PCDH15: variants seen among roughly 807,000 people sequenced by gnomAD.
The protein encoded by PCDH15 is protocadherin-15.
In PCDH15, 129 loss-of-function variants were observed where a neutral mutation model predicts 178.5. That is an observed-to-expected ratio of 0.72 (90% confidence interval 0.63 to 0.84). PCDH15 has a LOEUF of 0.84. Ranked by LOEUF, PCDH15 falls within the 40% of genes least tolerant of loss-of-function variation. PCDH15 has a pLI of 0.00. For synonymous variants in PCDH15, 800 were observed against 732.0 expected, an observed-to-expected ratio of 1.09 and a Z score of -1.50; for missense variants, 2,230 against 2,099.9, an observed-to-expected ratio of 1.06 and a Z score of -1.21.
At chr10:54,958,024 T>C (rs1346846106) in intron 2 of PCDH15, among the ~76,000 whole-genome samples, 1 of 151,784 alleles carries the variant, frequency 6.6e-6, no homozygotes, top group Non-Finnish European at 1.5e-5. Flanking sequence ...CAAAGGAATC[T>C]ACATTAGCAA....
chr10:54,298,951 G>A (rs2059968645), intron 8 of PCDH15, among the ~76,000 whole-genome samples: 1 of 152,222 alleles, frequency 6.6e-6, no homozygotes, highest in African/African-American at 2.4e-5. Flanking sequence ...CTGCAATATG[G>A]AAAGAAAGGG....
intron 1 of PCDH15, among the ~76,000 whole-genome samples, chr10:54,731,564 A>ATG (rs1491229343): frequency 2.3e-5 from 1 of 43,354 alleles, no homozygotes; most frequent in African/African-American, 9.0e-5. Flanking sequence ...ATATATATAT[A>ATG]CACACACACA....
At chr10:54,374,564 C>T (rs1237358769) in intron 4 of PCDH15, among the ~76,000 whole-genome samples, 2 of 151,858 alleles carry the variant, frequency 1.3e-5, no homozygotes, top group Admixed American at 1.3e-4. Context: ...ATGTGATGTG[C>T]CTTTATTACT....
At chr10:54,040,964 T>C (rs2093530098) in intron 18 of PCDH15, among the ~76,000 whole-genome samples, 2 of 152,212 alleles carry the variant, frequency 1.3e-5, no homozygotes, top group Admixed American at 1.3e-4. Context: ...CTTTTGGATC[T>C]CACATGAATT....
chr10:55,041,359 G>C (rs1840859835), intron 2 of PCDH15, among the ~76,000 whole-genome samples: 1 of 152,074 alleles, frequency 6.6e-6, no homozygotes, highest in Admixed American at 6.6e-5. Context: ...TTTCCATCTA[G>C]TTTTGGAGCT....
At chr10:53,966,195 C>G (rs977600691) in intron 21 of PCDH15, among the ~76,000 whole-genome samples, 21 of 152,072 alleles carry the variant, frequency 1.4e-4, no homozygotes, top group African/African-American at 4.6e-4. Context: ...TATAGATATA[C>G]CACACCATCA....
At position 54,441,188 on chromosome 10, in the gene PCDH15, G is replaced by A. The variant is rs1429094426; in HGVS notation, c.158-62246C>T. On this transcript the variant is annotated intron_variant, in intron 3 of 37. Coordinates refer to ENST00000644397, the MANE Select transcript of PCDH15 (RefSeq NM_001384140.1). The stretch of plus-strand genomic sequence containing the variant: ...TGAGAGCTAGAAAAAATATTAATGT[G>A]TAGCAATTCAGATTTTCTCATTGAT... Among the ~76,000 whole-genome samples the A allele has an allele frequency of 2.6e-5, 4 of 151,864 alleles. No individual in the cohort carries two copies. The South Asian group carries it at 6.2e-4, about 24-fold the overall frequency.
At chr10:53,953,281 C>T (rs2087267317) in intron 23 of PCDH15, among the ~76,000 whole-genome samples, 1 of 152,192 alleles carries the variant, frequency 6.6e-6, no homozygotes, top group South Asian at 2.1e-4. Context: ...TCATTAATGA[C>T]AAATGAAGCA....
intron 20 of PCDH15, among the ~76,000 whole-genome samples, chr10:54,005,256 G>T (rs560138130): frequency 6.6e-6 from 1 of 152,190 alleles, no homozygotes; most frequent in African/African-American, 2.4e-5. Flanking sequence ...ACTAGGCAAA[G>T]ATTTCTTGAG....
At chr10:55,463,329 T>TTCTATTTATTTATA in intron 2 of PCDH15, among the ~76,000 whole-genome samples, 1 of 152,102 alleles carries the variant, frequency 6.6e-6, no homozygotes, top group Non-Finnish European at 1.5e-5. Flanking sequence ...CATGATGATA[T>TTCTATTTATTTATA]GTATTCTAGC....
chr10:54,990,698 A>T (rs1839478752), intron 2 of PCDH15, among the ~76,000 whole-genome samples: 1 of 152,150 alleles, frequency 6.6e-6, no homozygotes, highest in South Asian at 2.1e-4. Context: ...TTATGTTCAT[A>T]TCTGTTGCCA....
intron 18 of PCDH15, among the ~76,000 whole-genome samples, chr10:54,035,440 T>C (rs1397992405): frequency 6.6e-5 from 10 of 151,946 alleles, no homozygotes; most frequent in Non-Finnish European, 1.5e-5. Context: ...TATGGTGATC[T>C]ATGATTAGTG....
At chr10:53,922,373 G>C (rs2084073077) in intron 25 of PCDH15, among the ~76,000 whole-genome samples, 1 of 152,074 alleles carries the variant, frequency 6.6e-6, no homozygotes, top group South Asian at 2.1e-4. Flanking sequence ...TGATATGATA[G>C]TCCTTAAAAT....
At chr10:55,266,250 G>T (rs1311520880) in intron 1 of PCDH15, among the ~76,000 whole-genome samples, 2 of 151,752 alleles carry the variant, frequency 1.3e-5, no homozygotes, top group Non-Finnish European at 2.9e-5. Context: ...CAAATGGCCA[G>T]GCAATTGGAG....
chr10:55,065,010 A>G (rs1841527785), intron 2 of PCDH15, among the ~76,000 whole-genome samples: 1 of 152,140 alleles, frequency 6.6e-6, no homozygotes, highest in Admixed American at 6.6e-5. Context: ...TAATAGCAAA[A>G]TATCTGGATG....
intron 18 of PCDH15, among the ~76,000 whole-genome samples, chr10:54,064,800 T>G (rs1157719175): frequency 6.6e-6 from 1 of 152,126 alleles, no homozygotes; most frequent in Non-Finnish European, 1.5e-5. Context: ...GAACAGGCAC[T>G]TCCGACTCTG....
intron 20 of PCDH15, among the ~76,000 whole-genome samples, chr10:54,007,579 A>G (rs974786772): frequency 1.3e-5 from 2 of 152,154 alleles, no homozygotes; most frequent in African/African-American, 2.4e-5. Flanking sequence ...TGATCATCAC[A>G]GGTTTTGTTT....
intron 2 of PCDH15, among the ~76,000 whole-genome samples, chr10:55,417,693 A>T (rs1400659269): frequency 2.0e-5 from 3 of 151,342 alleles, no homozygotes; most frequent in Non-Finnish European, 4.4e-5. Context: ...ACAGACAAGG[A>T]CTCAGAAAAT....
intron 1 of PCDH15, among the ~76,000 whole-genome samples, chr10:54,691,809 C>G (rs766046895): frequency 2.6e-5 from 4 of 152,062 alleles, no homozygotes; most frequent in Non-Finnish European, 5.9e-5. Context: ...TGTAGACTTT[C>G]TGCTTACGGA....
Sources: gnomAD v4.1 joint callset for allele counts (sites outside exome capture counted in the v4.1 genomes callset) on GRCh38, gnomAD v4.1.1 for gene constraint, MANE v1.5 for transcripts, NCBI Gene and HGNC (gene_info 2026-07-23, HGNC 2026-07-21) for gene names.